The following DENND1A variants were observed in gnomAD, a reference collection of about 807,000 sequenced individuals.
DENND1A encodes the protein DENN domain containing 1A.
DENND1A carries 51 observed loss-of-function variants against 113.7 expected under a neutral mutation model. That is an observed-to-expected ratio of 0.45 (90% CI 0.36 to 0.57). The LOEUF is 0.57. DENND1A is among the 20% of genes least tolerant of loss of function. The pLI is 0.00. For missense variants in DENND1A, 1,258 were observed against 1,395.9 expected (o/e 0.90, Z 1.57); for synonymous variants, 565 against 570.8 (o/e 0.99, Z 0.14).
chr9:123,770,498 GTAGT>G (rs1394886894), intron 3 of DENND1A, among the ~76,000 whole-genome samples: 4 of 152,102 alleles, frequency 2.6e-5, no homozygotes, highest in South Asian at 2.1e-4. Context: ...ACATAGACAG[GTAGT>G]TAGTTATTAT....
chr9:123,777,847 G>T (rs1564250924), intron 3 of DENND1A, among the ~76,000 whole-genome samples: 1 of 152,182 alleles, frequency 6.6e-6, no homozygotes, highest in Non-Finnish European at 1.5e-5. Context: ...TTTTGAGAGA[G>T]AATTATTTAG....
rs1433703012 is a variant in DENND1A at position 123,764,042 on chromosome 9, G to A, written c.182+5472C>T. 2.0e-5 allele frequency among the ~76,000 whole-genome samples: 3 copies of A among 152,152 alleles called. No homozygotes were observed. Among genetic ancestry groups the A allele is most frequent in the Non-Finnish European group, 2.9e-5 (2 of 68,020 alleles). On this transcript the variant is annotated intron_variant, in intron 4 of 23. Transcript: ENST00000394215. The surrounding 1 kb of genome is among the most constrained non-coding windows in gnomAD (Gnocchi z 4.1). The stretch of plus-strand genomic sequence containing the variant: ...AGGCAGAGATTTATGATGCAGGACA[G>A]AAGAGAAAACATTAAGGCCTGGACC...
chr9:123,681,015 G>A (rs1429927615), intron 5 of DENND1A, among the ~76,000 whole-genome samples: 2 of 152,064 alleles, frequency 1.3e-5, no homozygotes, highest in Admixed American at 1.3e-4. Context: ...GGAGGAGAAG[G>A]GTGTCCCACT....
chr9:123,417,341 A>C (rs1489203828), intron 19 of DENND1A, among the ~76,000 whole-genome samples: 1 of 152,204 alleles, frequency 6.6e-6, no homozygotes, highest in Non-Finnish European at 1.5e-5. Flanking sequence ...TTTTAATAAT[A>C]ATCTCTTCTA....
intron 18 of DENND1A, among the ~76,000 whole-genome samples, chr9:123,448,136 T>C (rs1222813284): frequency 1.3e-5 from 2 of 152,148 alleles, no homozygotes; most frequent in Non-Finnish European, 2.9e-5. Flanking sequence ...GAACATTATC[T>C]CCTGAAGCTA....
At chr9:123,404,469 G>C (rs2043771985) in intron 20 of DENND1A, among the ~76,000 whole-genome samples, 2 of 152,276 alleles carry the variant, frequency 1.3e-5, no homozygotes, top group Admixed American at 1.3e-4. Flanking sequence ...CCGGGGCAGG[G>C]GGCTTGCTTT....
At chr9:123,628,821 C>G (rs1232937845) in intron 10 of DENND1A, among the ~76,000 whole-genome samples, 2 of 152,176 alleles carry the variant, frequency 1.3e-5, no homozygotes, top group African/African-American at 4.8e-5. Context: ...AGCCAGGATT[C>G]TATACTCCAC....
chr9:123,748,540 C>G (rs2069727725), intron 5 of DENND1A, among the ~76,000 whole-genome samples: 1 of 152,186 alleles, frequency 6.6e-6, no homozygotes, highest in African/African-American at 2.4e-5. Context: ...GCTTCTAAAA[C>G]TGATCCCTGA....
At chr9:123,845,899 T>C (rs574604810) in intron 2 of DENND1A, among the ~76,000 whole-genome samples, 2 of 152,114 alleles carry the variant, frequency 1.3e-5, no homozygotes, top group African/African-American at 2.4e-5. Context: ...AAAACTTCTG[T>C]TTCAGGTGAC....
rs1294531008 is a variant in DENND1A, at chr9:123,818,563, C to CATAT, written c.89-25934_89-25933insATAT. On this transcript the variant is annotated intron_variant, in intron 2 of 23. Transcript: ENST00000394215. ...ACACACACACACACACACACACACA[C>CATAT]ACACATATATATATATATATAAAAT... Among the ~76,000 whole-genome samples, 463 of 56,928 alleles carry CATAT rather than the reference C, an allele frequency of 8.1e-3. 3 individuals carry two copies. Among genetic ancestry groups the CATAT allele is most frequent in the African/African-American group, 0.017 (435 of 25,106 alleles). 37.3% of individuals were successfully genotyped at this position (56,928 alleles called of 152,430 possible). A position where few individuals can be genotyped will look rare whatever the true frequency, so the allele number is the denominator to read the frequency against.
chr9:123,458,553 C>T (rs78254992), intron 13 of DENND1A, among the ~76,000 whole-genome samples: 7,640 of 152,176 alleles, frequency 0.05, 624 homozygotes, highest in African/African-American at 0.17. Flanking sequence ...CATCCCCTTC[C>T]GTACCCCAAG....
intron 2 of DENND1A, among the ~76,000 whole-genome samples, chr9:123,806,298 G>A (rs1168629572): frequency 4.1e-5 from 6 of 148,018 alleles, no homozygotes; most frequent in Non-Finnish European, 7.5e-5. Flanking sequence ...CTCTGTCACC[G>A]AGGCTGGAGT....
At chr9:123,647,112 T>A (rs138459243) in intron 9 of DENND1A, among the ~76,000 whole-genome samples, 1 of 152,186 alleles carries the variant, frequency 6.6e-6, no homozygotes, top group Non-Finnish European at 1.5e-5. Flanking sequence ...TCTCTATCCC[T>A]GATACTCTAA....
At chr9:123,491,957 G>C (rs1478317712) in intron 13 of DENND1A, 2 of 152,252 alleles carry the variant, frequency 1.3e-5, no homozygotes, top group Non-Finnish European at 2.9e-5. Flanking sequence ...ACGGGAGAGG[G>C]ACACGTAACT....
chr9:123,637,983 C>A (rs1371010715), intron 9 of DENND1A, among the ~76,000 whole-genome samples: 1 of 150,644 alleles, frequency 6.6e-6, no homozygotes, highest in Non-Finnish European at 1.5e-5. Flanking sequence ...ACCAAAAAAA[C>A]CACCCAACAA....
chr9:123,525,104 C>T (rs888797160), intron 13 of DENND1A, among the ~76,000 whole-genome samples: 13 of 152,168 alleles, frequency 8.5e-5, no homozygotes, highest in South Asian at 2.1e-4. Flanking sequence ...AATGCTGAGG[C>T]TCCGAAAAAG....
chr9:123,833,308 A>T (rs1453652386), intron 2 of DENND1A, among the ~76,000 whole-genome samples: 1 of 152,102 alleles, frequency 6.6e-6, no homozygotes, highest in Non-Finnish European at 1.5e-5. Context: ...GTTAACTTGT[A>T]TTTCTGCATT....
chr9:123,885,945 T>A (rs1849012266), intron 1 of DENND1A, among the ~76,000 whole-genome samples: 1 of 152,046 alleles, frequency 6.6e-6, no homozygotes, highest in South Asian at 2.1e-4. Context: ...ATGTCCGGGA[T>A]TTTTGTAATT....
Position 123,403,463 on chromosome 9 carries a change from TAAC to T in DENND1A, c.1567_1569del (p.Val523del), listed in dbSNP as rs746941094. 6 of 1,614,148 alleles carry T rather than the reference TAAC, an allele frequency of 3.7e-6. No homozygotes were observed. Among genetic ancestry groups the T allele is most frequent in the Non-Finnish European group, 4.2e-6 (5 of 1,180,008 alleles). On this transcript the variant is annotated inframe_deletion, in exon 21 of 24. Transcript: ENST00000394215. ...ACTGCGATGTTGCTCTTTGGTCTCT[TAAC>T]AACATGTGGACGAGGTGGGCGCACC...
Sources: allele counts gnomAD v4.1 joint callset (sites outside exome capture counted in the v4.1 genomes callset), GRCh38; gene constraint gnomAD v4.1.1; non-coding constraint Gnocchi (gnomAD v3.1); transcripts MANE v1.5; gene names NCBI Gene and HGNC (gene_info 2026-07-23, HGNC 2026-07-21).